Variants in TANGO6 observed in about 807,000 individuals in gnomAD.
TANGO6 encodes transport and Golgi organization protein 6 homolog.
In TANGO6, 90 loss-of-function variants were observed where a neutral mutation model predicts 114.2. The ratio of observed to expected loss-of-function variants is 0.79; its 90% CI spans 0.66 to 0.94. The LOEUF (loss-of-function observed/expected upper bound fraction) is 0.94. Among genes scored for constraint, TANGO6 ranks in the 40% least tolerant of loss-of-function variants. The pLI is 0.00. For missense variants in TANGO6, 1,274 were observed against 1,315.3 expected (o/e 0.97, Z 0.49); for synonymous variants, 477 against 509.8 (o/e 0.94, Z 0.87).
chr16:68,943,168 T>C (rs1963372405), intron 14 of TANGO6, among the ~76,000 whole-genome samples: 2 of 151,858 alleles, frequency 1.3e-5, no homozygotes, highest in Admixed American at 1.3e-4. Flanking sequence ...CCCAAAGGGC[T>C]GGGATTACAG....
At chr16:68,965,250 C>T (rs1963634495) in intron 14 of TANGO6, among the ~76,000 whole-genome samples, 1 of 152,164 alleles carries the variant, frequency 6.6e-6, no homozygotes, top group Non-Finnish European at 1.5e-5. Flanking sequence ...ACCTCCATCT[C>T]CCTGGTTCAA....
intron 7 of TANGO6, among the ~76,000 whole-genome samples, chr16:68,897,136 C>G (rs1384708284): frequency 6.6e-6 from 1 of 151,948 alleles, no homozygotes; most frequent in African/African-American, 2.4e-5. Flanking sequence ...CTCCTGACCT[C>G]GTGATCCACC....
At chr16:68,930,331 G>C (rs894678689) in intron 14 of TANGO6, 36 bp downstream of exon 14, 34 of 1,501,312 alleles carry the variant, frequency 2.3e-5, no homozygotes, top group Non-Finnish European at 2.9e-5. Context: ...TTAAGTATGT[G>C]GACCAGAGAC....
intron 17 of TANGO6, among the ~76,000 whole-genome samples, chr16:69,046,164 A>G (rs544392350): frequency 6.6e-6 from 1 of 152,222 alleles, no homozygotes; most frequent in South Asian, 2.1e-4. Flanking sequence ...CATAATGTCC[A>G]GGATACAACT....
At chr16:68,943,352 T>C (rs920729351) in intron 14 of TANGO6, among the ~76,000 whole-genome samples, 19 of 151,140 alleles carry the variant, frequency 1.3e-4, no homozygotes, top group Non-Finnish European at 2.5e-4. Context: ...CACTGCAACC[T>C]GAATCTGAGA....
chr16:68,867,102 G>A lies in TANGO6; in HGVS notation c.876G>A (p.Gln292=), dbSNP rs369046118. The stretch of plus-strand genomic sequence containing the variant: ...AGTCCTGCACAGATGTGAAGACACA[G>A]ATGAGGTGTCGGGCCCCAGCTTGGC... The part of the protein sequence containing the change: ...PPQSCTDVKT[Q]MRCRAPAWLR... Residue 292 remains glutamine (Q), a synonymous_variant, in exon 4 of 18, where the codon CAG becomes CAA. Transcript: ENST00000261778. 2 of 1,606,682 alleles carry A rather than the reference G, an allele frequency of 1.2e-6. No individual in the cohort carries two copies. The highest frequency in any genetic ancestry group is 2.7e-5 in the African/African-American group (2 of 74,026).
At chr16:68,916,996 G>A (rs183815444) in intron 11 of TANGO6, among the ~76,000 whole-genome samples, 1 of 152,248 alleles carries the variant, frequency 6.6e-6, no homozygotes, top group East Asian at 1.9e-4. Flanking sequence ...GCAATGCCCT[G>A]TATCTACCAT....
At chr16:68,932,087 T>TA (rs201752761) in intron 14 of TANGO6, among the ~76,000 whole-genome samples, 1 of 151,612 alleles carries the variant, frequency 6.6e-6, no homozygotes, top group Non-Finnish European at 1.5e-5. Flanking sequence ...AAAAATACAA[T>TA]AAAAAAAATT....
At chr16:69,049,557 G>C (rs937956963) in intron 17 of TANGO6, among the ~76,000 whole-genome samples, 1 of 150,320 alleles carries the variant, frequency 6.7e-6, no homozygotes, top group Middle Eastern at 3.4e-3. Flanking sequence ...TCAGCCTCCC[G>C]AGTAGCTGGG....
At chr16:68,884,496 C>CA (rs552243176) in intron 7 of TANGO6, among the ~76,000 whole-genome samples, 407 of 152,268 alleles carry the variant, frequency 2.7e-3, no homozygotes, top group Middle Eastern at 6.8e-3. Context: ...GTCTAGAAAG[C>CA]AGATGTTCTA....
Position 68,919,155 on chromosome 16 carries a change from T to C in TANGO6, c.2063T>C (p.Val688Ala). 16 of 1,612,914 alleles carry C rather than the reference T, an allele frequency of 9.9e-6. No homozygotes were observed. The highest frequency in any genetic ancestry group is 1.3e-5 in the Non-Finnish European group (15 of 1,179,600). Residue 688 changes from valine to alanine, a missense_variant, in exon 12 of 18, where the codon GTG becomes GCG. Val to Ala is a moderately conservative substitution (Grantham distance 64). Transcript: ENST00000261778. Reference sequence around the variant, plus strand: ...CTGGCCCATCAGGCAGAGAGCACCGTGGAATCACAGACGCTGAGCATGTCC... The same window carrying C: ...CTGGCCCATCAGGCAGAGAGCACCGCGGAATCACAGACGCTGAGCATGTCC... ...ASLAHQAEST[V>A]ESQTLSMSMG...
chr16:68,882,609 A>T (rs1009886319), intron 7 of TANGO6, among the ~76,000 whole-genome samples: 22 of 152,216 alleles, frequency 1.4e-4, no homozygotes, highest in African/African-American at 5.1e-4. Context: ...GAAAGGTTCT[A>T]AAATTGTATT....
chr16:68,846,358 C>G (rs1167633807), intron 1 of TANGO6, among the ~76,000 whole-genome samples: 1 of 152,120 alleles, frequency 6.6e-6, no homozygotes, highest in Non-Finnish European at 1.5e-5. Flanking sequence ...ATTTTCATAT[C>G]TGCTTCTCCA....
At chr16:69,066,888 AC>A (rs1409821302) in intron 17 of TANGO6, among the ~76,000 whole-genome samples, 1 of 152,048 alleles carries the variant, frequency 6.6e-6, no homozygotes, top group Non-Finnish European at 1.5e-5. Flanking sequence ...CCCCGTCTCT[AC>A]AAAAAATTTG....
chr16:68,943,655 G>A (rs1027683755), intron 14 of TANGO6, among the ~76,000 whole-genome samples: 21 of 151,966 alleles, frequency 1.4e-4, no homozygotes, highest in African/African-American at 3.9e-4. Flanking sequence ...GTGAGCCACC[G>A]CACCCGGCCA....
At chr16:68,874,706 T>C (rs539967106) in intron 4 of TANGO6, among the ~76,000 whole-genome samples, 2 of 152,180 alleles carry the variant, frequency 1.3e-5, no homozygotes, top group South Asian at 4.2e-4. Context: ...CACAGCACTT[T>C]GGAGGCTGAG....
At chr16:69,057,765 A>T (rs1044860611) in intron 17 of TANGO6, among the ~76,000 whole-genome samples, 2 of 152,144 alleles carry the variant, frequency 1.3e-5, no homozygotes, top group Non-Finnish European at 2.9e-5. Flanking sequence ...CAGTGATGGG[A>T]AAGTGTTCAG....
intron 14 of TANGO6, among the ~76,000 whole-genome samples, chr16:68,942,649 A>G (rs1234045653): frequency 6.6e-6 from 1 of 152,188 alleles, no homozygotes; most frequent in Non-Finnish European, 1.5e-5. Context: ...TATTGGAGGA[A>G]AACATTGCTT....
chr16:68,875,983 C>G (rs1276355358), intron 5 of TANGO6, among the ~76,000 whole-genome samples: 1 of 152,136 alleles, frequency 6.6e-6, no homozygotes, highest in Non-Finnish European at 1.5e-5. Context: ...AACTAAGTCT[C>G]CCTACCATTC....
Sources: gnomAD v4.1 joint callset for allele counts (sites outside exome capture counted in the v4.1 genomes callset) on GRCh38, gnomAD v4.1.1 for gene constraint, MANE v1.5 for transcripts, NCBI Gene and HGNC (gene_info 2026-07-23, HGNC 2026-07-21) for gene names.